IQCM: variants seen among roughly 807,000 people sequenced by gnomAD.
IQCM encodes the protein IQ domain-containing protein M.
Under a neutral mutation model 57.6 loss-of-function variants are expected in IQCM, and 45 were observed. The ratio of observed to expected loss-of-function variants is 0.78; its 90% CI spans 0.62 to 1.00. The LOEUF is 1.00. IQCM is among the 50% of genes least tolerant of loss of function. The pLI is 0.00. For synonymous variants in IQCM, 148 were observed against 158.9 expected, an observed-to-expected ratio of 0.93 and a Z score of 0.51; for missense variants, 468 against 511.6, an observed-to-expected ratio of 0.91 and a Z score of 0.82.
intron 2 of IQCM, among the ~76,000 whole-genome samples, chr4:149,771,445 T>C (rs1219128617): frequency 2.0e-5 from 3 of 152,082 alleles, no homozygotes; most frequent in Admixed American, 6.5e-5. Context: ...TACAAGTTCA[T>C]TAATTTATTC....
intron 10 of IQCM, among the ~76,000 whole-genome samples, chr4:149,556,577 CA>C (rs541853075): frequency 6.8e-6 from 1 of 147,414 alleles, no homozygotes; most frequent in Admixed American, 7.1e-5. Context: ...ATGAAAATAT[CA>C]AAAAAATCTT....
chr4:149,725,066 G>A (rs1367687309), intron 5 of IQCM, among the ~76,000 whole-genome samples: 3 of 152,120 alleles, frequency 2.0e-5, no homozygotes, highest in Non-Finnish European at 4.4e-5. Flanking sequence ...TCAAAACTAT[G>A]GGCATGTATT....
rs189019200 is a variant in IQCM, at chr4:149,600,376, A to G, written c.682-12379T>C. Among the ~76,000 whole-genome samples, 142 of 152,278 alleles carry G rather than the reference A, an allele frequency of 9.3e-4. 1 individual carries two copies. The highest frequency in any genetic ancestry group is 3.2e-3 in the African/African-American group (132 of 41,566). ...AATTTAGTATCCTTCCCTTGATTCC[A>G]TAAGTAAGAGATGGATAGGATTCAA... On this transcript the variant is annotated intron_variant, in intron 8 of 13. Transcript: ENST00000636793.
intron 12 of IQCM, among the ~76,000 whole-genome samples, chr4:149,537,560 A>C (rs191403331): frequency 6.6e-6 from 1 of 152,096 alleles, no homozygotes; most frequent in East Asian, 1.9e-4. Context: ...ATATTGGCTG[A>C]AAATTGCCAA....
chr4:149,524,708 C>A (rs537457874), intron 12 of IQCM, among the ~76,000 whole-genome samples: 2 of 151,780 alleles, frequency 1.3e-5, no homozygotes, highest in African/African-American at 4.8e-5. Context: ...AGTGTAAATT[C>A]AAATCCTAGT....
intron 12 of IQCM, among the ~76,000 whole-genome samples, chr4:149,450,511 G>C (rs895610502): frequency 6.6e-6 from 1 of 151,344 alleles, no homozygotes; most frequent in Non-Finnish European, 1.5e-5. Flanking sequence ...AAACTCTGTA[G>C]GAAAAAAATC....
At chr4:149,721,116 A>AT (rs1450076133) in intron 5 of IQCM, among the ~76,000 whole-genome samples, 2 of 150,426 alleles carry the variant, frequency 1.3e-5, no homozygotes, top group Admixed American at 6.6e-5. Context: ...GGTTGAAAAT[A>AT]TTTTTTTAAA....
intron 13 of IQCM, among the ~76,000 whole-genome samples, chr4:149,417,387 ATCGGAAG>A (rs1261056533): frequency 6.6e-6 from 1 of 152,062 alleles, no homozygotes; most frequent in Admixed American, 6.6e-5. Context: ...CTCATGTCAG[ATCGGAAG>A]TGAAGTACAG....
chr4:149,391,594 C>A (rs998216374), intron 13 of IQCM, among the ~76,000 whole-genome samples: 1 of 151,600 alleles, frequency 6.6e-6, no homozygotes, highest in Admixed American at 6.6e-5. Flanking sequence ...TAGGTTGTTG[C>A]CTTGAAATCT....
intron 12 of IQCM, among the ~76,000 whole-genome samples, chr4:149,458,141 T>G (rs941783335): frequency 3.9e-5 from 6 of 152,054 alleles, no homozygotes; most frequent in Non-Finnish European, 7.4e-5. Context: ...AATATGAAAG[T>G]GTTTGGAAAC....
intron 8 of IQCM, among the ~76,000 whole-genome samples, chr4:149,601,581 C>CACCT (rs1328223728): frequency 1.3e-5 from 2 of 152,158 alleles, no homozygotes; most frequent in Non-Finnish European, 2.9e-5. Context: ...CAACAACCAA[C>CACCT]ACCTCTAAGC....
chr4:149,495,801 C>A (rs1251950189), intron 12 of IQCM, among the ~76,000 whole-genome samples: 1 of 152,114 alleles, frequency 6.6e-6, no homozygotes, highest in Non-Finnish European at 1.5e-5. Flanking sequence ...TGGGAAAATA[C>A]TTCTCCTCAG....
intron 7 of IQCM, among the ~76,000 whole-genome samples, chr4:149,631,694 A>G (rs1757280078): frequency 1.3e-5 from 2 of 152,146 alleles, no homozygotes; most frequent in Non-Finnish European, 2.9e-5. Context: ...TCTGTATTCT[A>G]TTCTCTTATT....
intron 7 of IQCM, among the ~76,000 whole-genome samples, chr4:149,674,929 G>A (rs1761621284): frequency 6.6e-6 from 1 of 152,088 alleles, no homozygotes; most frequent in Admixed American, 6.6e-5. Context: ...CAGGCTCCCA[G>A]TAGGAATTTT....
At chr4:149,723,520 C>A (rs924019375) in intron 5 of IQCM, among the ~76,000 whole-genome samples, 1 of 151,870 alleles carries the variant, frequency 6.6e-6, no homozygotes, top group Non-Finnish European at 1.5e-5. Flanking sequence ...TTTTCAAATG[C>A]TTTTTCAGCA....
intron 2 of IQCM, among the ~76,000 whole-genome samples, chr4:149,767,867 G>A (rs892642304): frequency 5.9e-5 from 9 of 151,966 alleles, no homozygotes; most frequent in Admixed American, 3.3e-4. Flanking sequence ...CGACTGTAGA[G>A]GAACTATAGA....
chr4:149,731,896 T>C (rs369494411), intron 5 of IQCM, among the ~76,000 whole-genome samples: 1 of 152,200 alleles, frequency 6.6e-6, no homozygotes, highest in African/African-American at 2.4e-5. Flanking sequence ...AAGAACCCTT[T>C]GTCAGGTCAC....
intron 12 of IQCM, among the ~76,000 whole-genome samples, chr4:149,472,715 C>T (rs1333893629): frequency 6.6e-6 from 1 of 152,178 alleles, no homozygotes; most frequent in African/African-American, 2.4e-5. Context: ...TACCTGACTT[C>T]AAACTATACT....
At chr4:149,374,467 TC>T (rs569682102) in intron 13 of IQCM, among the ~76,000 whole-genome samples, 187 of 152,130 alleles carry the variant, frequency 1.2e-3, no homozygotes, top group African/African-American at 4.1e-3. Context: ...CTTCATCCCA[TC>T]CCCCTTTCTC....
Sources: allele counts gnomAD v4.1 joint callset (sites outside exome capture counted in the v4.1 genomes callset), GRCh38; gene constraint gnomAD v4.1.1; transcripts MANE v1.5; gene names NCBI Gene and HGNC (gene_info 2026-07-23, HGNC 2026-07-21).